The following XKR9 variants were observed in gnomAD, a reference collection of about 807,000 sequenced individuals.
XKR9 encodes the protein XK related 9.
Under a neutral mutation model 32.0 loss-of-function variants are expected in XKR9, and 32 were observed. The observed-to-expected ratio is 1.00, with a 90% CI of 0.76 to 1.34. The LOEUF (loss-of-function observed/expected upper bound fraction) is 1.34. Among genes scored for constraint, XKR9 ranks in the 40% most tolerant of loss-of-function variants. The probability of loss-of-function intolerance (pLI) is 0.00; values close to 1 mark genes in which losing one functional copy is unlikely to be tolerated. For missense variants in XKR9, 546 were observed against 429.7 expected, an observed-to-expected ratio of 1.27 and a Z score of -2.39; for synonymous variants, 168 against 143.4, an observed-to-expected ratio of 1.17 and a Z score of -1.22.
At chr8:70,959,788 T>G in the XKR9 span, among the ~76,000 whole-genome samples, 1 of 152,366 alleles carries the variant, frequency 6.6e-6, no homozygotes, top group African/African-American at 2.4e-5. Flanking sequence ...ATTTGTACTT[T>G]TTTTCCACTG....
chr8:70,913,459 A>G, the XKR9 span, among the ~76,000 whole-genome samples: 7 of 152,146 alleles, frequency 4.6e-5, no homozygotes, highest in East Asian at 1.3e-3. Flanking sequence ...AATTTATATA[A>G]TAATACTCCC....
At chr8:70,821,311 C>T in the XKR9 span, among the ~76,000 whole-genome samples, 1 of 152,238 alleles carries the variant, frequency 6.6e-6, no homozygotes, top group African/African-American at 2.4e-5. Context: ...AGCAGCTCCA[C>T]CCCTGTGGCT....
At chr8:70,766,399 CTGTG>C (rs1350081511) in intron 2 of XKR9, among the ~76,000 whole-genome samples, 3 of 151,292 alleles carry the variant, frequency 2.0e-5, no homozygotes, top group Non-Finnish European at 4.4e-5. Flanking sequence ...TGATTTGACT[CTGTG>C]TATTATTGTG....
chr8:70,733,119 A>G (rs150939661), intron 4 of XKR9, among the ~76,000 whole-genome samples: 92 of 152,352 alleles, frequency 6.0e-4, no homozygotes, highest in African/African-American at 2.1e-3. Context: ...AAAGAAGGAA[A>G]GAAATAAAGA....
chr8:70,775,619 C>A (rs1807507884), intron 2 of XKR9, among the ~76,000 whole-genome samples: 1 of 152,014 alleles, frequency 6.6e-6, no homozygotes, highest in Non-Finnish European at 1.5e-5. Context: ...AAATATTATA[C>A]CAACCTTGTA....
intron 2 of XKR9, among the ~76,000 whole-genome samples, chr8:70,780,376 T>G (rs1360283788): frequency 6.6e-6 from 1 of 152,140 alleles, no homozygotes; most frequent in Non-Finnish European, 1.5e-5. Context: ...AAGCTATAAA[T>G]TTTCTTCAAA....
intron 2 of XKR9, among the ~76,000 whole-genome samples, chr8:70,756,450 T>C (rs1327383252): frequency 6.6e-6 from 1 of 152,198 alleles, no homozygotes; most frequent in African/African-American, 2.4e-5. Flanking sequence ...TGGATCAGTT[T>C]GGGGAATATT....
chr8:70,725,949 G>A (rs1806454126), intron 4 of XKR9, among the ~76,000 whole-genome samples: 1 of 151,796 alleles, frequency 6.6e-6, no homozygotes. Flanking sequence ...AAAAGTTCAT[G>A]GAAAATGCAT....
the XKR9 span, among the ~76,000 whole-genome samples, chr8:70,869,154 T>A: frequency 6.6e-6 from 1 of 152,240 alleles, no homozygotes; most frequent in African/African-American, 2.4e-5. Context: ...TCCAAATGGT[T>A]CCAAGCTCTG....
chr8:70,841,972 C>G, the XKR9 span, among the ~76,000 whole-genome samples: 2 of 152,190 alleles, frequency 1.3e-5, no homozygotes, highest in African/African-American at 2.4e-5. Context: ...CTACTTTTAG[C>G]ATCCATTGAT....
chr8:70,762,678 G>A (rs1807324410), intron 2 of XKR9, among the ~76,000 whole-genome samples: 1 of 152,080 alleles, frequency 6.6e-6, no homozygotes, highest in Admixed American at 6.6e-5. Context: ...TATATAAAGA[G>A]GTTAGTTTCA....
At chr8:70,840,119 G>A in the XKR9 span, among the ~76,000 whole-genome samples, 2 of 152,158 alleles carry the variant, frequency 1.3e-5, no homozygotes, top group African/African-American at 4.8e-5. Context: ...AGTAACTTGT[G>A]TTGACTGCTG....
At position 70,789,190 on chromosome 8, in the gene XKR9, T is replaced by G. The variant is rs1178391884; in HGVS notation, n.353-149T>G. The G allele has an allele frequency of 3.9e-5, 6 of 152,008 alleles. No individual in the cohort carries two copies. The East Asian group carries it at 1.2e-3, about 29-fold the overall frequency. 9.4% of individuals were successfully genotyped at this position (152,008 alleles called of 1,614,324 possible). On this transcript the variant is annotated intron_variant and non_coding_transcript_variant, in intron 2 of 3. Transcript: ENST00000520273. The stretch of plus-strand genomic sequence containing the variant: ...TAGGTCTGAAGGGAAATATCTATAC[T>G]GTGTATAGTAAGTATAAGAAAAAGA...
intron 2 of XKR9, among the ~76,000 whole-genome samples, chr8:70,755,771 AG>A (rs1431302312): frequency 2.3e-3 from 50 of 22,074 alleles, no homozygotes; most frequent in Non-Finnish European, 3.6e-3. Context: ...GGGTGGGGGG[AG>A]GGGGGGAGGG....
At chr8:70,923,249 T>C in the XKR9 span, among the ~76,000 whole-genome samples, 33 of 152,370 alleles carry the variant, frequency 2.2e-4, 1 homozygote, top group South Asian at 6.0e-3. Flanking sequence ...AACACAGATA[T>C]ATGAACAATG....
intron 2 of XKR9, among the ~76,000 whole-genome samples, chr8:70,779,563 G>T (rs904633356): frequency 6.6e-6 from 1 of 152,070 alleles, no homozygotes; most frequent in Admixed American, 6.6e-5. Flanking sequence ...GGTAGAATTC[G>T]GCTGTGAATC....
At chr8:70,766,855 C>A (rs1807383179) in intron 2 of XKR9, among the ~76,000 whole-genome samples, 1 of 152,230 alleles carries the variant, frequency 6.6e-6, no homozygotes, top group African/African-American at 2.4e-5. Flanking sequence ...TTGAGATAAT[C>A]ATGTGGTTTT....
chr8:70,672,645 T>C (rs1303953575), intron 1 of XKR9, among the ~76,000 whole-genome samples: 1 of 152,194 alleles, frequency 6.6e-6, no homozygotes, highest in African/African-American at 2.4e-5. Flanking sequence ...ATCTCTGTAC[T>C]GTTTTCCATA....
At chr8:70,963,002 G>A in the XKR9 span, among the ~76,000 whole-genome samples, 2 of 152,018 alleles carry the variant, frequency 1.3e-5, no homozygotes, top group Non-Finnish European at 2.9e-5. Flanking sequence ...GGGTACATGT[G>A]CAAGGTGTGC....
Sources: gnomAD v4.1 joint callset for allele counts (sites outside exome capture counted in the v4.1 genomes callset) on GRCh38, gnomAD v4.1.1 for gene constraint, MANE v1.5 for transcripts, NCBI Gene and HGNC (gene_info 2026-07-23, HGNC 2026-07-21) for gene names.